Variants in ADGRF1 observed in about 807,000 individuals in gnomAD.
The protein encoded by ADGRF1 is adhesion G protein-coupled receptor F1, also known as G protein-coupled receptor 110.
ADGRF1 carries 85 observed loss-of-function variants against 87.2 expected under a neutral mutation model. The ratio of observed to expected loss-of-function variants is 0.97; its 90% CI spans 0.82 to 1.17. The LOEUF (loss-of-function observed/expected upper bound fraction) is 1.17. Among genes scored for constraint, ADGRF1 ranks in the 50% most tolerant of loss-of-function variants. The pLI is 0.00. For synonymous variants in ADGRF1, 430 were observed against 408.8 expected (o/e 1.05, Z -0.63); for missense variants, 1,169 against 1,077.2 (o/e 1.09, Z -1.19).
chr6:47,009,095 C>T lies in ADGRF1; in HGVS notation c.2340G>A (p.Arg780=). The change falls in exon 11 of 15, where the codon CGG becomes CGA. Residue 780 remains arginine (R), a synonymous_variant. Transcript: ENST00000371253. ...CGCGGATGATGGTGGCCTTGTCATC[C>T]CGACTCAGTCTTTCCCCAACAGTCG... The part of the protein sequence containing the change: ...WRPTVGERLS[R]DDKATIIRVG... 1.2e-6 allele frequency: 2 copies of T among 1,614,062 alleles called. No individual in the cohort carries two copies. The highest frequency in any genetic ancestry group is 1.1e-5 in the South Asian group (1 of 91,072).
At chr6:47,035,898 C>T (rs1780574508) in intron 1 of ADGRF1, among the ~76,000 whole-genome samples, 1 of 152,178 alleles carries the variant, frequency 6.6e-6, no homozygotes, top group African/African-American at 2.4e-5. Context: ...CTGGGGACTC[C>T]TAGAGCAGAG....
At chr6:47,036,567 G>A (rs1780595341) in intron 1 of ADGRF1, among the ~76,000 whole-genome samples, 1 of 152,126 alleles carries the variant, frequency 6.6e-6, no homozygotes, top group South Asian at 2.1e-4. Flanking sequence ...TCAGATTAAA[G>A]ATGTCACAAA....
Position 47,008,939 on chromosome 6 carries a change from T to C in ADGRF1, c.2490+6A>G, listed in dbSNP as rs937715202. 5.8e-5 allele frequency: 91 copies of C among 1,577,200 alleles called. No homozygotes were observed. Among genetic ancestry groups the C allele is most frequent in the Non-Finnish European group, 7.9e-5 (91 of 1,158,796 alleles). On this transcript the variant is annotated splice_donor_region_variant and intron_variant, in intron 11 of 14. Transcript: ENST00000371253. The stretch of plus-strand genomic sequence containing the variant: ...CAATACAATAGGTTATTGTTACTGT[T>C]CTCACCTGGAATGCATTGAGTAAAG...
chr6:47,040,438 C>T (rs1780704931), intron 1 of ADGRF1, among the ~76,000 whole-genome samples: 1 of 152,088 alleles, frequency 6.6e-6, no homozygotes, highest in South Asian at 2.1e-4. Context: ...CGCCACTGCA[C>T]TCCAGCCTGG....
At chr6:47,016,094 T>G (rs375642658) in intron 8 of ADGRF1, among the ~76,000 whole-genome samples, 7 of 152,164 alleles carry the variant, frequency 4.6e-5, no homozygotes, top group East Asian at 1.9e-4. Context: ...TCTAGACACT[T>G]TGGATTCTCA....
chr6:47,015,140 G>A (rs1454269050), intron 8 of ADGRF1, among the ~76,000 whole-genome samples: 3 of 152,144 alleles, frequency 2.0e-5, no homozygotes, highest in African/African-American at 7.2e-5. Flanking sequence ...GTGATAATAA[G>A]GAAAGATGTG....
At chr6:47,010,935 T>C (rs1779686491) in intron 10 of ADGRF1, among the ~76,000 whole-genome samples, 1 of 152,208 alleles carries the variant, frequency 6.6e-6, no homozygotes, top group Admixed American at 6.5e-5. Context: ...AAGTTGTTAC[T>C]TCTTCCCACA....
At chr6:47,038,290 G>A (rs1371801590) in intron 1 of ADGRF1, among the ~76,000 whole-genome samples, 2 of 152,086 alleles carry the variant, frequency 1.3e-5, no homozygotes, top group South Asian at 2.1e-4. Flanking sequence ...GTTTTGGGAC[G>A]AAATAAGTAA....
At chr6:47,022,546 C>T (rs541429929) in intron 5 of ADGRF1, among the ~76,000 whole-genome samples, 2 of 152,350 alleles carry the variant, frequency 1.3e-5, no homozygotes, top group South Asian at 2.1e-4. Context: ...AATATCATCT[C>T]TTCCACAAGG....
rs751369799 is a variant in ADGRF1 at position 47,022,027 on chromosome 6, C to A, written c.483G>T (p.Arg161Ser). ...KIWGTFKINE[R>S]FTNDLLNSSS... ...ATGAATTCAAAAGGTCATTTGTAAACCTTTCATTAATTTTGAAAGTGCCCC... is the reference window on the plus strand; with the variant it reads ...ATGAATTCAAAAGGTCATTTGTAAAACTTTCATTAATTTTGAAAGTGCCCC... The change falls in exon 6 of 15, where the codon AGG (arginine) becomes AGT (serine). Residue 161 changes from arginine to serine, a missense_variant. Physicochemically the swap from Arg to Ser is moderately radical, Grantham distance 110. Transcript: ENST00000371253. 10 of 1,581,484 alleles carry A rather than the reference C, an allele frequency of 6.3e-6. No homozygotes were observed. The highest frequency in any genetic ancestry group is 1.7e-4 in the Middle Eastern group (1 of 6,002).
At chr6:47,025,130 TC>T (rs1415861070) in intron 4 of ADGRF1, among the ~76,000 whole-genome samples, 1 of 152,146 alleles carries the variant, frequency 6.6e-6, no homozygotes. Flanking sequence ...CACCTGAAAT[TC>T]CCACCGAAGT....
At position 47,020,778 on chromosome 6, in the gene ADGRF1, T is replaced by A. The variant is rs778775021; in HGVS notation, c.564A>T (p.Ala188=). ...ANGIEIQLKK[A]YERIQGFESV... ...ACTCAAAACCTTGAATTCTTTCATA[T>A]GCTTTTTTAAGCTTAGAAAGAGAAC... The change falls in exon 7 of 15, where the codon GCA becomes GCT. Residue 188 remains alanine, a synonymous_variant. Coordinates refer to ENST00000371253, the MANE Select transcript of ADGRF1 (RefSeq NM_153840.4). The A allele has an allele frequency of 1.9e-6, 3 of 1,613,768 alleles. No homozygotes were observed. The highest frequency in any genetic ancestry group is 2.5e-6 in the Non-Finnish European group (3 of 1,179,646).
chr6:47,009,345 A>ACCCAT lies in ADGRF1; in HGVS notation c.2089_2090insATGGG (p.Leu697TyrfsTer3). On this transcript the variant is annotated frameshift_variant, in exon 11 of 15. Coordinates refer to ENST00000371253, the MANE Select transcript of ADGRF1 (RefSeq NM_153840.4). LOFTEE classifies it high-confidence loss of function. ...CAGGCAAAATCCAACAGCCATCATC[A>ACCCAT]AATGCTGGGCCATGTGATGGAACAC... The ACCCAT allele has an allele frequency of 6.2e-7, 1 of 1,614,174 alleles. No homozygotes were observed. Among genetic ancestry groups the ACCCAT allele is most frequent in the African/African-American group, 1.3e-5 (1 of 75,056 alleles).
chr6:47,001,381 G>T, intron 14 of ADGRF1, 120 bp downstream of exon 14: 1 of 761,882 alleles, frequency 1.3e-6, no homozygotes, highest in Non-Finnish European at 2.1e-6. Context: ...AACATGGCTG[G>T]CTGATAATCC....
chr6:47,007,985 ATT>A (rs961048718), intron 11 of ADGRF1, among the ~76,000 whole-genome samples: 1 of 152,224 alleles, frequency 6.6e-6, no homozygotes, highest in African/African-American at 2.4e-5. Flanking sequence ...TCTATTGAGC[ATT>A]TGTTATGTGC....
Position 47,009,024 on chromosome 6 carries a change from C to A in ADGRF1, c.2411G>T (p.Trp804Leu). ...LILTPLLGLT[W>L]GFGIGTIVDS... is the part of the protein sequence containing the mutation. ...CACTATTGTTCCTATTCCAAAGCCC[C>A]AGGTGAGCCCTAGCAGAGGGGTCAG... The change falls in exon 11 of 15, where the codon TGG (tryptophan) becomes TTG (leucine). Residue 804 changes from tryptophan (W) to leucine (L), a missense_variant. Transcript: ENST00000371253. 1 of 1,614,048 alleles carries A rather than the reference C, an allele frequency of 6.2e-7. No individual in the cohort carries two copies. The highest frequency in any genetic ancestry group is 8.5e-7 in the Non-Finnish European group (1 of 1,179,978).
intron 5 of ADGRF1, among the ~76,000 whole-genome samples, chr6:47,023,288 G>A (rs60695735): frequency 0.017 from 2,521 of 152,306 alleles, 78 homozygotes; most frequent in African/African-American, 0.058. Flanking sequence ...TGCTTAATAA[G>A]TAATGTGTTG....
intron 12 of ADGRF1, among the ~76,000 whole-genome samples, 173 bp downstream of exon 12, chr6:47,007,080 C>T (rs562044008): frequency 6.6e-6 from 1 of 152,130 alleles, no homozygotes; most frequent in South Asian, 2.1e-4. Context: ...TCAGCAGTGA[C>T]TGTTTAGTTC....
At chr6:47,002,488 A>C (rs1226471) in intron 13 of ADGRF1, among the ~76,000 whole-genome samples, 61,851 of 151,888 alleles carry the variant, frequency 0.41, 14,295 homozygotes, top group African/African-American at 0.65. Context: ...AATGCTATAA[A>C]CCTTTAAAAA....
Sources: allele counts gnomAD v4.1 joint callset (sites outside exome capture counted in the v4.1 genomes callset), GRCh38; gene constraint gnomAD v4.1.1; transcripts MANE v1.5; gene names NCBI Gene and HGNC (gene_info 2026-07-23, HGNC 2026-07-21).